FGGY: variants seen among roughly 807,000 people sequenced by gnomAD.
FGGY encodes FGGY carbohydrate kinase domain containing.
Under a neutral mutation model 71.3 loss-of-function variants are expected in FGGY, and 72 were observed. The ratio of observed to expected loss-of-function variants is 1.01; its 90% CI spans 0.84 to 1.23. The LOEUF (loss-of-function observed/expected upper bound fraction) is 1.23, where lower values mean the gene tolerates loss of function less well. FGGY is among the 50% of genes most tolerant of loss of function. FGGY has a pLI of 0.00. For missense variants in FGGY, 668 were observed against 682.3 expected (o/e 0.98, Z 0.23); for synonymous variants, 251 against 250.3 (o/e 1.00, Z -0.02).
intron 5 of FGGY, among the ~76,000 whole-genome samples, chr1:59,409,598 TTATA>T (rs202016801): frequency 0.083 from 8,787 of 105,698 alleles, 399 homozygotes; most frequent in African/African-American, 0.15. Flanking sequence ...GAAGAGTTTT[TTATA>T]TATATATATA....
chr1:59,511,261 C>T (rs553142730), intron 6 of FGGY, among the ~76,000 whole-genome samples: 3 of 152,136 alleles, frequency 2.0e-5, no homozygotes, highest in Non-Finnish European at 4.4e-5. Context: ...ACCTCTACCC[C>T]CAGAGGTCCT....
chr1:59,680,340 A>T (rs1438911197), intron 14 of FGGY, among the ~76,000 whole-genome samples: 1 of 152,104 alleles, frequency 6.6e-6, no homozygotes. Flanking sequence ...GTCAACAGAA[A>T]ACTTTGGAAT....
At chr1:59,522,949 C>T (rs1268368648) in intron 7 of FGGY, among the ~76,000 whole-genome samples, 1 of 152,242 alleles carries the variant, frequency 6.6e-6, no homozygotes, top group African/African-American at 2.4e-5. Context: ...ATCATCTCAT[C>T]TACTACAGAA....
intron 5 of FGGY, among the ~76,000 whole-genome samples, chr1:59,396,817 C>G (rs1442283039): frequency 6.6e-6 from 1 of 152,142 alleles, no homozygotes; most frequent in Non-Finnish European, 1.5e-5. Flanking sequence ...GCACTCAATT[C>G]ATGCTTGTTG....
intron 13 of FGGY, among the ~76,000 whole-genome samples, chr1:59,668,563 A>G (rs116334909): frequency 0.034 from 5,150 of 152,304 alleles, 165 homozygotes; most frequent in African/African-American, 0.087. Flanking sequence ...ATTCCTGCAG[A>G]TGAGAGCCTT....
chr1:59,560,381 G>A (rs940213310), intron 8 of FGGY, among the ~76,000 whole-genome samples: 3 of 145,786 alleles, frequency 2.1e-5, no homozygotes, highest in African/African-American at 8.4e-5. Flanking sequence ...TATCCTGGAT[G>A]GGATCCTGGA....
At chr1:59,544,615 G>A (rs1035190976) in intron 7 of FGGY, among the ~76,000 whole-genome samples, 3 of 152,168 alleles carry the variant, frequency 2.0e-5, no homozygotes, top group Admixed American at 2.0e-4. Flanking sequence ...TTTTGGGATA[G>A]CATGTCCTGA....
At chr1:59,463,290 C>A (rs1162071521) in intron 6 of FGGY, among the ~76,000 whole-genome samples, 2 of 152,078 alleles carry the variant, frequency 1.3e-5, no homozygotes, top group Non-Finnish European at 2.9e-5. Flanking sequence ...GAAATAAAAT[C>A]CTTTACACAC....
intron 7 of FGGY, among the ~76,000 whole-genome samples, chr1:59,519,652 C>A (rs944651607): frequency 6.6e-6 from 1 of 152,164 alleles, no homozygotes; most frequent in Admixed American, 6.5e-5. Context: ...ATACAACCAC[C>A]ACTCTGACTG....
intron 7 of FGGY, among the ~76,000 whole-genome samples, chr1:59,542,582 G>A (rs942145486): frequency 2.8e-5 from 4 of 145,106 alleles, no homozygotes; most frequent in Non-Finnish European, 4.5e-5. Context: ...TCAGCGTCCC[G>A]AGTACCTGGG....
At chr1:59,509,268 A>G (rs186769187) in intron 6 of FGGY, among the ~76,000 whole-genome samples, 1 of 152,244 alleles carries the variant, frequency 6.6e-6, no homozygotes, top group African/African-American at 2.4e-5. Flanking sequence ...CTGTTTCTAC[A>G]TCTCCGTTAC....
At chr1:59,386,088 C>A (rs2060034870) in intron 5 of FGGY, among the ~76,000 whole-genome samples, 1 of 152,006 alleles carries the variant, frequency 6.6e-6, no homozygotes, top group Non-Finnish European at 1.5e-5. Context: ...ACTTGATGTC[C>A]AGTTTCTCCC....
At chr1:59,356,524 T>C (rs115330189) in intron 4 of FGGY, among the ~76,000 whole-genome samples, 92 of 152,366 alleles carry the variant, frequency 6.0e-4, no homozygotes, top group African/African-American at 2.2e-3. Context: ...ATTTATTGCA[T>C]TACATTGTGC....
intron 5 of FGGY, among the ~76,000 whole-genome samples, chr1:59,408,909 C>G (rs1018329357): frequency 6.6e-6 from 1 of 152,106 alleles, no homozygotes; most frequent in Non-Finnish European, 1.5e-5. Context: ...TTCTTGGGTT[C>G]GCGAACTAGA....
intron 2 of FGGY, among the ~76,000 whole-genome samples, chr1:59,326,338 T>A (rs2047428739): frequency 6.6e-6 from 1 of 152,208 alleles, no homozygotes; most frequent in Non-Finnish European, 1.5e-5. Flanking sequence ...CTTGGTGCTA[T>A]CTATATGAGT....
rs142225061 is a variant in FGGY, at chr1:59,665,247, A to G, written c.1297-2036A>G. Among the ~76,000 whole-genome samples the G allele has an allele frequency of 5.7e-4, 87 of 152,330 alleles. 1 individual carries two copies. Among genetic ancestry groups the G allele is most frequent in the African/African-American group, 2.0e-3 (84 of 41,564 alleles). ...TTCATGACCCCCCAAAAAGCTTAAC[A>G]AAGAACATCTGGGAATAATCAGCCC... On this transcript the variant is annotated intron_variant, in intron 12 of 15. Coordinates refer to ENST00000303721, the MANE Select transcript of FGGY (RefSeq NM_018291.5).
intron 8 of FGGY, 52 bp from the exon 9 acceptor site, chr1:59,607,751 C>T (rs2096636800): frequency 2.8e-6 from 4 of 1,418,162 alleles, no homozygotes; most frequent in Admixed American, 1.7e-5. Flanking sequence ...GAGAACCCTT[C>T]CCCTACCCCT....
At chr1:59,605,076 C>A (rs1448312723) in intron 8 of FGGY, among the ~76,000 whole-genome samples, 1 of 152,146 alleles carries the variant, frequency 6.6e-6, no homozygotes, top group African/African-American at 2.4e-5. Context: ...AACACTCACA[C>A]TCACCCACCT....
rs2064482117 is a variant in FGGY, at chr1:59,416,660, G to T, written c.554+37823G>T. On this transcript the variant is annotated intron_variant, in intron 5 of 15. Coordinates refer to ENST00000303721, the MANE Select transcript of FGGY (RefSeq NM_018291.5). Reference sequence around the variant, plus strand: ...TTTTCCCTCATGCTAGCTGCCTCATGGTTGTAGGATAGTTGCTGCATCTCT... The same window carrying T: ...TTTTCCCTCATGCTAGCTGCCTCATTGTTGTAGGATAGTTGCTGCATCTCT... Among the ~76,000 whole-genome samples the T allele has an allele frequency of 3.9e-5, 6 of 152,202 alleles. No homozygotes were observed. The South Asian group carries it at 1.2e-3, about 31-fold the overall frequency.
Sources: gnomAD v4.1 joint callset for allele counts (sites outside exome capture counted in the v4.1 genomes callset) on GRCh38, gnomAD v4.1.1 for gene constraint, MANE v1.5 for transcripts, NCBI Gene and HGNC (gene_info 2026-07-23, HGNC 2026-07-21) for gene names.